The following KPNA7 variants were observed in gnomAD, a reference collection of about 807,000 sequenced individuals.
KPNA7 encodes the protein importin subunit alpha-8.
Under a neutral mutation model 53.7 loss-of-function variants are expected in KPNA7, and 54 were observed. The observed-to-expected ratio is 1.01, with a 90% CI of 0.81 to 1.26. The LOEUF is 1.26. Among genes scored for constraint, KPNA7 ranks in the 50% most tolerant of loss-of-function variants. The probability of loss-of-function intolerance (pLI) is 0.00; values close to 1 mark genes in which losing one functional copy is unlikely to be tolerated. For synonymous variants in KPNA7, 276 were observed against 259.3 expected, an observed-to-expected ratio of 1.06 and a Z score of -0.62; for missense variants, 640 against 644.5, an observed-to-expected ratio of 0.99 and a Z score of 0.07.
upstream of KPNA7, among the ~76,000 whole-genome samples, chr7:99,211,190 C>T (rs770381030): frequency 7.9e-5 from 12 of 152,166 alleles, no homozygotes; most frequent in South Asian, 2.1e-4. Context: ...GAGGCCAAGA[C>T]GGGTGGATCA....
At chr7:99,179,362 G>T (rs1248313354) in intron 9 of KPNA7, among the ~76,000 whole-genome samples, 1 of 151,818 alleles carries the variant, frequency 6.6e-6, no homozygotes. Context: ...TTTGAGACCA[G>T]TGTAGGCAAC....
chr7:99,167,134 G>A, the KPNA7 span, among the ~76,000 whole-genome samples: 3 of 152,078 alleles, frequency 2.0e-5, no homozygotes, highest in Non-Finnish European at 4.4e-5. Context: ...ACTCCACCTC[G>A]CTCCAGCCAC....
intron 1 of KPNA7, among the ~76,000 whole-genome samples, chr7:99,218,359 T>C (rs1022661953): frequency 2.0e-5 from 3 of 152,024 alleles, no homozygotes; most frequent in African/African-American, 7.2e-5. Context: ...CTCAAACTCC[T>C]GTTCACAAGA....
At chr7:99,170,026 A>G (rs184023438), downstream of KPNA7, among the ~76,000 whole-genome samples, 1 of 152,252 alleles carries the variant, frequency 6.6e-6, no homozygotes, top group Non-Finnish European at 1.5e-5. Flanking sequence ...TGGGTGACAG[A>G]ACAAGACTGT....
At position 99,181,014 on chromosome 7, in the gene KPNA7, T is replaced by C. The variant is rs1165698412; in HGVS notation, c.1317+869A>G. Reference sequence around the variant, plus strand: ...CTCTCCCCGTCTGTCTCTCTCTCTCTGTGTGTGTGTCTCTCTGTGTGTGTC... The same window carrying C: ...CTCTCCCCGTCTGTCTCTCTCTCTCCGTGTGTGTGTCTCTCTGTGTGTGTC... On this transcript the variant is annotated intron_variant, in intron 9 of 10. Transcript: ENST00000327442. 5.7e-5 allele frequency among the ~76,000 whole-genome samples: 2 copies of C among 34,976 alleles called. 1 individual carries two copies. Among genetic ancestry groups the C allele is most frequent in the Non-Finnish European group, 1.4e-4 (2 of 13,838 alleles). 22.9% of individuals were successfully genotyped at this position (34,976 alleles called of 152,430 possible).
Position 99,175,715 on chromosome 7 carries a change from T to C in KPNA7, c.1465-1921A>G, listed in dbSNP as rs191005606. Among the ~76,000 whole-genome samples the C allele has an allele frequency of 2.8e-3, 427 of 151,882 alleles. 2 individuals are homozygous for C. Among genetic ancestry groups the C allele is most frequent in the African/African-American group, 9.9e-3 (410 of 41,444 alleles). ...TTTTAGTAGAGACAGGGTTTCGCCA[T>C]GTTGGCCAGGCTGGTCTTGAACTCC... On this transcript the variant is annotated intron_variant, in intron 10 of 10. Transcript: ENST00000327442.
chr7:99,146,294 C>G, the KPNA7 span, among the ~76,000 whole-genome samples: 2 of 152,184 alleles, frequency 1.3e-5, no homozygotes, highest in East Asian at 3.8e-4. Flanking sequence ...ATCTTTGAGT[C>G]AGGAGGTTGC....
At chr7:99,154,587 T>C in the KPNA7 span, among the ~76,000 whole-genome samples, 1 of 151,036 alleles carries the variant, frequency 6.6e-6, no homozygotes, top group Non-Finnish European at 1.5e-5. Context: ...TGGAGTGCAA[T>C]GGCACAATCT....
At chr7:99,216,622 C>T (rs1334256067) in intron 1 of KPNA7, among the ~76,000 whole-genome samples, 3 of 152,182 alleles carry the variant, frequency 2.0e-5, no homozygotes, top group African/African-American at 4.8e-5. Context: ...AATGCAGTGG[C>T]GTGATCTCAG....
chr7:99,199,046 G>A (rs1790372661), intron 3 of KPNA7, among the ~76,000 whole-genome samples: 1 of 85,588 alleles, frequency 1.2e-5, no homozygotes, highest in Non-Finnish European at 2.2e-5. Context: ...AGAAATCCAA[G>A]AGTTATATGC....
At chr7:99,161,268 T>TCTCTCTCTCCCC in the KPNA7 span, among the ~76,000 whole-genome samples, 165 of 123,046 alleles carry the variant, frequency 1.3e-3, 5 homozygotes, top group African/African-American at 5.1e-3. Context: ...TCTCTCTCTC[T>TCTCTCTCTCCCC]CTGATCACTT....
downstream of KPNA7, chr7:99,173,528 T>C (rs1476140733): frequency 9.2e-6 from 5 of 542,314 alleles, no homozygotes; most frequent in Non-Finnish European, 1.3e-5. Context: ...TTCCACATGG[T>C]TTTAAGATGC....
the KPNA7 span, among the ~76,000 whole-genome samples, chr7:99,146,104 C>T: frequency 6.6e-6 from 1 of 152,134 alleles, no homozygotes; most frequent in Admixed American, 6.5e-5. Context: ...GTTAGTATTT[C>T]CCCCCTATTC....
In KPNA7 at chr7:99,208,054, T is replaced by G. The variant is rs1457020623; in HGVS notation, c.-50A>C. On this transcript the variant is annotated 5_prime_UTR_variant, in exon 1 of 11. Coordinates refer to ENST00000327442, the MANE Select transcript of KPNA7 (RefSeq NM_001145715.3). ...TGGCAGCAAGAACAACAGTCTGGACTTCTCAGCTCCATGTCCTATTTCTGC... is the reference window on the plus strand; with the variant it reads ...TGGCAGCAAGAACAACAGTCTGGACGTCTCAGCTCCATGTCCTATTTCTGC... 1.3e-5 allele frequency among the ~76,000 whole-genome samples: 2 copies of G among 152,090 alleles called. No individual in the cohort carries two copies. The highest frequency in any genetic ancestry group is 2.9e-5 in the Non-Finnish European group (2 of 68,016).
At chr7:99,211,344 T>A (rs1331312737), upstream of KPNA7, among the ~76,000 whole-genome samples, 5 of 152,078 alleles carry the variant, frequency 3.3e-5, no homozygotes, top group Non-Finnish European at 7.4e-5. Context: ...ATCGCTTGAA[T>A]CTGGGAGGCA....
chr7:99,168,658 C>G (rs564692129), downstream of KPNA7, among the ~76,000 whole-genome samples: 7 of 152,180 alleles, frequency 4.6e-5, no homozygotes, highest in African/African-American at 1.7e-4. Flanking sequence ...ACTGCCCCAT[C>G]CAGCTAATTT....
chr7:99,152,873 G>C, the KPNA7 span, among the ~76,000 whole-genome samples: 1 of 152,162 alleles, frequency 6.6e-6, no homozygotes, highest in South Asian at 2.1e-4. Context: ...AGAGTCCTCA[G>C]AATCAAATGG....
the KPNA7 span, among the ~76,000 whole-genome samples, chr7:99,153,619 T>G: frequency 2.1e-3 from 320 of 152,104 alleles, 1 homozygote; most frequent in African/African-American, 6.9e-3. Context: ...AGACTTTGGT[T>G]TCCTTCGTAT....
At chr7:99,209,020 C>T (rs1474863936), upstream of KPNA7, among the ~76,000 whole-genome samples, 1 of 151,974 alleles carries the variant, frequency 6.6e-6, no homozygotes, top group Non-Finnish European at 1.5e-5. Context: ...GGCATGGTGG[C>T]GGACACCTAT....
Sources: gnomAD v4.1 joint callset for allele counts (sites outside exome capture counted in the v4.1 genomes callset) on GRCh38, gnomAD v4.1.1 for gene constraint, MANE v1.5 for transcripts, NCBI Gene and HGNC (gene_info 2026-07-23, HGNC 2026-07-21) for gene names.